TRDN: variants seen among roughly 807,000 people sequenced by gnomAD.
TRDN encodes triadin in skeletal muscle.
A neutral mutation model predicts 149.7 loss-of-function variants in TRDN; 161 were observed. The observed-to-expected ratio is 1.08, with a 90% CI of 0.95 to 1.23. The LOEUF (loss-of-function observed/expected upper bound fraction) is 1.23, where lower values mean the gene tolerates loss of function less well. Ranked by LOEUF, TRDN falls within the 50% of genes most tolerant of loss-of-function variation. The pLI is 0.00. For synonymous variants in TRDN, 294 were observed against 250.5 expected (o/e 1.17, Z -1.64); for missense variants, 896 against 823.5 (o/e 1.09, Z -1.08).
intron 4 of TRDN, among the ~76,000 whole-genome samples, chr6:123,543,478 A>G (rs1271897542): frequency 1.3e-5 from 2 of 152,178 alleles, no homozygotes; most frequent in East Asian, 3.9e-4. Flanking sequence ...CTAAGGATAT[A>G]CATTGTACCG....
rs554198886 is a variant in TRDN, at chr6:123,243,347, T to C, written c.1975+9065A>G. On this transcript the variant is annotated intron_variant, in intron 38 of 40. Coordinates refer to ENST00000334268, the MANE Select transcript of TRDN (RefSeq NM_006073.4). ...ACAACTGTTACACCAGATGCATAGA[T>C]AGCAACATAAGGATATGGAAAACAA... 9.2e-5 allele frequency among the ~76,000 whole-genome samples: 14 copies of C among 152,112 alleles called. No individual in the cohort carries two copies. The East Asian group carries it at 2.5e-3, about 27-fold the overall frequency.
intron 12 of TRDN, among the ~76,000 whole-genome samples, chr6:123,403,441 C>A (rs1038937101): frequency 2.6e-5 from 4 of 151,986 alleles, no homozygotes; most frequent in African/African-American, 7.3e-5. Flanking sequence ...TTGAAGATGG[C>A]AGGAAGATCA....
intron 1 of TRDN, among the ~76,000 whole-genome samples, chr6:123,610,288 T>G (rs1187951081): frequency 6.6e-6 from 1 of 152,178 alleles, no homozygotes; most frequent in Non-Finnish European, 1.5e-5. Flanking sequence ...CCATTCTCAC[T>G]GTGAATTTCT....
At chr6:123,629,179 A>T (rs1785833816) in intron 1 of TRDN, among the ~76,000 whole-genome samples, 1 of 152,096 alleles carries the variant, frequency 6.6e-6, no homozygotes, top group Admixed American at 6.6e-5. Flanking sequence ...TCTTCCTCAA[A>T]CAGAAAATTC....
intron 1 of TRDN, among the ~76,000 whole-genome samples, chr6:123,592,945 TAAC>T (rs754480746): frequency 9.2e-5 from 14 of 152,182 alleles, no homozygotes; most frequent in African/African-American, 1.7e-4. Flanking sequence ...TTTAATCTGA[TAAC>T]AACAGGGATA....
At chr6:123,511,639 C>T (rs564192993) in intron 7 of TRDN, among the ~76,000 whole-genome samples, 1 of 152,054 alleles carries the variant, frequency 6.6e-6, no homozygotes, top group Admixed American at 6.6e-5. Context: ...CTTAAAATAA[C>T]ACCCATTTAT....
chr6:123,333,694 A>T (rs928320119), intron 22 of TRDN, among the ~76,000 whole-genome samples: 2 of 152,032 alleles, frequency 1.3e-5, no homozygotes, highest in African/African-American at 4.8e-5. Context: ...AAAAGTGAAG[A>T]GATTATTACA....
chr6:123,571,035 T>C lies in TRDN; in HGVS notation c.120A>G (p.Ile40Met), dbSNP rs1376161348. ...CTGCAGGGGAGCTGAACGTCGTCAC[T>C]ATGTCTTCTGTGACTGTCCTCTTCA... is the stretch of plus-strand genomic sequence containing the variant. ...KVLKRTVTED[I>M]VTTFSSPAAW... The change falls in exon 2 of 41, where the codon ATA (isoleucine) becomes ATG (methionine). Residue 40 changes from isoleucine (I) to methionine (M), a missense_variant. Ile to Met is a conservative substitution (Grantham distance 10, BLOSUM62 1). Coordinates refer to ENST00000334268, the MANE Select transcript of TRDN (RefSeq NM_006073.4). 1 of 1,614,012 alleles carries C rather than the reference T, an allele frequency of 6.2e-7. No individual in the cohort carries two copies. The highest frequency in any genetic ancestry group is 8.5e-7 in the Non-Finnish European group (1 of 1,179,876).
chr6:123,275,678 A>G (rs1777345229), intron 26 of TRDN, among the ~76,000 whole-genome samples: 1 of 152,186 alleles, frequency 6.6e-6, no homozygotes, highest in Admixed American at 6.6e-5. Flanking sequence ...GGTAGAGTCT[A>G]GAATAATTTT....
chr6:123,335,969 G>A (rs1779850241), intron 22 of TRDN, among the ~76,000 whole-genome samples: 1 of 151,942 alleles, frequency 6.6e-6, no homozygotes, highest in South Asian at 2.1e-4. Context: ...CATGAGAGTG[G>A]AGGCTGGGAA....
At chr6:123,565,735 G>C (rs1429555419) in intron 2 of TRDN, among the ~76,000 whole-genome samples, 3 of 152,176 alleles carry the variant, frequency 2.0e-5, no homozygotes, top group Non-Finnish European at 4.4e-5. Flanking sequence ...GGCAACAGCC[G>C]CCACATCTCC....
At chr6:123,462,604 A>G (rs527580525) in intron 10 of TRDN, 1 of 152,182 alleles carries the variant, frequency 6.6e-6, no homozygotes, top group Non-Finnish European at 1.5e-5. Flanking sequence ...AAATATGTAC[A>G]TTCTCCTACA....
intron 12 of TRDN, among the ~76,000 whole-genome samples, chr6:123,425,916 C>T (rs754492649): frequency 3.3e-5 from 5 of 152,012 alleles, no homozygotes; most frequent in Non-Finnish European, 4.4e-5. Context: ...TATCATCTAT[C>T]TACACACACA....
At chr6:123,260,538 T>C (rs1298185674) in intron 34 of TRDN, 74 bp downstream of exon 34, 18 of 1,384,324 alleles carry the variant, frequency 1.3e-5, no homozygotes. Flanking sequence ...CTAAATGTTA[T>C]ACATCTAGAA....
chr6:123,225,946 G>GAA (rs1775342894), intron 38 of TRDN, among the ~76,000 whole-genome samples: 1 of 151,730 alleles, frequency 6.6e-6, no homozygotes, highest in African/African-American at 2.4e-5. Context: ...TTTAGATTTT[G>GAA]CATACTAACT....
intron 5 of TRDN, among the ~76,000 whole-genome samples, chr6:123,525,530 G>GA (rs1779901708): frequency 6.6e-6 from 1 of 151,906 alleles, no homozygotes; most frequent in Non-Finnish European, 1.5e-5. Flanking sequence ...AGACACTAGG[G>GA]ATCTCAAAAA....
intron 5 of TRDN, among the ~76,000 whole-genome samples, chr6:123,526,925 T>A (rs1357512025): frequency 1.3e-5 from 2 of 152,034 alleles, no homozygotes; most frequent in Non-Finnish European, 2.9e-5. Context: ...AACTGATAGT[T>A]ACTGTTTAAA....
intron 8 of TRDN, chr6:123,503,190 C>G (rs1778772163): frequency 1.9e-5 from 19 of 984,534 alleles, no homozygotes; most frequent in Non-Finnish European, 2.3e-5. Context: ...ACTGTCTTCT[C>G]TATAACATCT....
chr6:123,413,348 T>C (rs2114519577), intron 12 of TRDN, among the ~76,000 whole-genome samples: 1 of 152,336 alleles, frequency 6.6e-6, no homozygotes, highest in African/African-American at 2.4e-5. Flanking sequence ...GACTTTTATA[T>C]GTCTGGACTT....
Sources: gnomAD v4.1 joint callset for allele counts (sites outside exome capture counted in the v4.1 genomes callset) on GRCh38, gnomAD v4.1.1 for gene constraint, MANE v1.5 for transcripts, NCBI Gene and HGNC (gene_info 2026-07-23, HGNC 2026-07-21) for gene names.